The following FBXW8 variants were observed in gnomAD, a reference collection of about 807,000 sequenced individuals.
FBXW8 encodes F-box and WD repeat domain containing 8.
In FBXW8, 57 loss-of-function variants were observed where a neutral mutation model predicts 65.3. The observed-to-expected ratio is 0.87, with a 90% confidence interval of 0.71 to 1.09. The LOEUF is 1.09. Among genes scored for constraint, FBXW8 ranks in the 50% least tolerant of loss-of-function variants. FBXW8 has a pLI of 0.00. For synonymous variants in FBXW8, 308 were observed against 330.2 expected (o/e 0.93, Z 0.73); for missense variants, 777 against 814.8 (o/e 0.95, Z 0.57).
intron 1 of FBXW8, among the ~76,000 whole-genome samples, chr12:116,918,757 C>T (rs1880636719): frequency 6.6e-6 from 1 of 152,080 alleles, no homozygotes; most frequent in Non-Finnish European, 1.5e-5. Flanking sequence ...ATTGTGTTGA[C>T]TAAGAGTGGG....
chr12:116,932,824 G>A (rs553710002), intron 2 of FBXW8, among the ~76,000 whole-genome samples: 9 of 152,286 alleles, frequency 5.9e-5, no homozygotes, highest in East Asian at 1.9e-4. Context: ...GAGCCACTGT[G>A]CCCAGCCGTT....
At chr12:117,019,387 C>G (rs1327225880) in intron 8 of FBXW8, among the ~76,000 whole-genome samples, 1 of 152,126 alleles carries the variant, frequency 6.6e-6, no homozygotes, top group Non-Finnish European at 1.5e-5. Context: ...TTTATGTTCT[C>G]TATACAGAGA....
Position 116,956,549 on chromosome 12 carries a change from A to C in FBXW8, c.677+6843A>C, listed in dbSNP as rs182651207. On this transcript the variant is annotated intron_variant, in intron 4 of 10. Transcript: ENST00000652555. ...TGCAGTTCTTTGTAGACAGAGAGCA[A>C]AATTTGGAGCTTCAAATTTATATAT... Among the ~76,000 whole-genome samples, 3 of 152,340 alleles carry C rather than the reference A, an allele frequency of 2.0e-5. No individual in the cohort carries two copies. In the East Asian group the frequency reaches 5.8e-4, roughly 29 times the overall value.
intron 1 of FBXW8, among the ~76,000 whole-genome samples, chr12:116,914,353 T>TG: frequency 7.3e-6 from 1 of 137,426 alleles, no homozygotes; most frequent in Non-Finnish European, 1.6e-5. Context: ...CTGAGGTGGG[T>TG]GGATGGATCT....
intron 8 of FBXW8, among the ~76,000 whole-genome samples, chr12:117,019,837 A>C (rs1018625597): frequency 6.6e-6 from 1 of 152,186 alleles, no homozygotes; most frequent in East Asian, 1.9e-4. Flanking sequence ...TTCTTCTCCA[A>C]GGTAATTGTT....
intron 5 of FBXW8, among the ~76,000 whole-genome samples, chr12:116,969,752 A>AC (rs1361142052): frequency 6.6e-6 from 1 of 151,904 alleles, no homozygotes; most frequent in Non-Finnish European, 1.5e-5. Context: ...GGGAGATGGA[A>AC]CCTGCTTTGG....
At chr12:116,957,587 CAT>C (rs1457655003) in intron 4 of FBXW8, among the ~76,000 whole-genome samples, 1 of 152,120 alleles carries the variant, frequency 6.6e-6, no homozygotes, top group African/African-American at 2.4e-5. Context: ...TTGTAAATAA[CAT>C]AGGTATAAGG....
intron 2 of FBXW8, among the ~76,000 whole-genome samples, chr12:116,931,018 G>A (rs1881730485): frequency 1.3e-5 from 2 of 152,242 alleles, no homozygotes; most frequent in Non-Finnish European, 1.5e-5. Flanking sequence ...TTGTTACCCA[G>A]GCTAGTCTCG....
Position 116,911,339 on chromosome 12 carries a change from A to G in FBXW8, c.302A>G (p.Gln101Arg). 1 of 1,281,888 alleles carries G rather than the reference A, an allele frequency of 7.8e-7. No homozygotes were observed. The highest frequency in any genetic ancestry group is 3.1e-5 in the East Asian group (1 of 32,108). The allele number at this position is 1,281,888 out of a possible 1,614,324, so 79.4% of individuals were successfully genotyped here. A position where few individuals can be genotyped will look rare whatever the true frequency, so the allele number is the denominator to read the frequency against. ...GAGGGEQLVD[Q>R]LIRDLNEMND... Reference sequence around the variant, plus strand: ...GGGGGCGGGGAGCAGCTGGTGGACCAGCTCATCCGCGACCTGGTGAGTGGC... The same window carrying G: ...GGGGGCGGGGAGCAGCTGGTGGACCGGCTCATCCGCGACCTGGTGAGTGGC... Residue 101 changes from glutamine to arginine, a missense_variant, in exon 1 of 11, where the codon CAG becomes CGG. Transcript: ENST00000652555.
intron 7 of FBXW8, among the ~76,000 whole-genome samples, chr12:116,993,098 CTTTTTT>C (rs71099026): frequency 7.0e-5 from 6 of 85,420 alleles, no homozygotes; most frequent in African/African-American, 2.3e-4. Flanking sequence ...TGATTTTTGA[CTTTTTT>C]TTTTTTTTTT....
At chr12:117,012,882 C>T (rs1283388323) in intron 8 of FBXW8, among the ~76,000 whole-genome samples, 3 of 151,948 alleles carry the variant, frequency 2.0e-5, no homozygotes, top group Non-Finnish European at 4.4e-5. Context: ...AAAATGTTTT[C>T]ATTAAAGTAG....
intron 8 of FBXW8, among the ~76,000 whole-genome samples, chr12:117,013,530 C>T (rs1953875322): frequency 6.6e-6 from 1 of 152,028 alleles, no homozygotes. Flanking sequence ...GCTGGCTGCT[C>T]ATGTCCATTC....
intron 2 of FBXW8, among the ~76,000 whole-genome samples, chr12:116,934,948 C>T (rs1366992231): frequency 6.6e-6 from 1 of 152,016 alleles, no homozygotes; most frequent in African/African-American, 2.4e-5. Context: ...TCAAGTCCTT[C>T]CCCGACCCTT....
chr12:116,940,211 T>C (rs1882464694), intron 2 of FBXW8, among the ~76,000 whole-genome samples: 1 of 151,626 alleles, frequency 6.6e-6, no homozygotes, highest in Non-Finnish European at 1.5e-5. Context: ...CTCCAGTGGT[T>C]TGCCACAGAG....
Position 116,920,015 on chromosome 12 carries a change from C to T in FBXW8, c.319-8008C>T, listed in dbSNP as rs191777816. On this transcript the variant is annotated intron_variant, in intron 1 of 10. Coordinates refer to ENST00000652555, the MANE Select transcript of FBXW8 (RefSeq NM_153348.3). Reference sequence around the variant, plus strand: ...ATATGCAGTGAGACAGCAAACCAAACCAAATGTGTACTCATGAATTGACTT... The same window carrying T: ...ATATGCAGTGAGACAGCAAACCAAATCAAATGTGTACTCATGAATTGACTT... Among the ~76,000 whole-genome samples, 304 of 152,340 alleles carry T rather than the reference C, an allele frequency of 2.0e-3. 1 individual carries two copies. The highest frequency in any genetic ancestry group is 3.4e-3 in the Non-Finnish European group (234 of 68,038).
intron 2 of FBXW8, among the ~76,000 whole-genome samples, chr12:116,944,039 A>G (rs1423767784): frequency 6.6e-6 from 1 of 152,134 alleles, no homozygotes; most frequent in Non-Finnish European, 1.5e-5. Context: ...GGCCTCTCTA[A>G]TGGCTGCTAG....
chr12:116,944,614 T>G (rs1282700572), intron 2 of FBXW8, among the ~76,000 whole-genome samples: 1 of 152,232 alleles, frequency 6.6e-6, no homozygotes, highest in Non-Finnish European at 1.5e-5. Flanking sequence ...GTTTCTCATC[T>G]GCCAACAGAG....
chr12:116,923,003 G>A (rs1025423561), intron 1 of FBXW8, among the ~76,000 whole-genome samples: 8 of 152,076 alleles, frequency 5.3e-5, no homozygotes, highest in Non-Finnish European at 5.9e-5. Flanking sequence ...CCGAGAGTTC[G>A]AGACTAGCCT....
intron 10 of FBXW8, 55 bp downstream of exon 10, chr12:117,027,559 A>C: frequency 7.5e-7 from 1 of 1,342,002 alleles, no homozygotes; most frequent in Non-Finnish European, 1.1e-6. Context: ...TGATGTATAG[A>C]ACCCCACCCC....
Sources: allele counts gnomAD v4.1 joint callset (sites outside exome capture counted in the v4.1 genomes callset), GRCh38; gene constraint gnomAD v4.1.1; transcripts MANE v1.5; gene names NCBI Gene and HGNC (gene_info 2026-07-23, HGNC 2026-07-21).